COL22A1: variants seen among roughly 807,000 people sequenced by gnomAD.
The protein encoded by COL22A1 is collagen type XXII alpha 1 chain, also known as collagen alpha-1(XXII) chain.
COL22A1 carries 221 observed loss-of-function variants against 248.9 expected under a neutral mutation model. The ratio of observed to expected loss-of-function variants is 0.89; its 90% CI spans 0.80 to 0.99. The LOEUF is 0.99. Among genes scored for constraint, COL22A1 ranks in the 50% least tolerant of loss-of-function variants. The pLI is 0.00. For synonymous variants in COL22A1, 891 were observed against 793.4 expected (o/e 1.12, Z -2.07); for missense variants, 2,240 against 2,179.0 (o/e 1.03, Z -0.56).
intron 3 of COL22A1, among the ~76,000 whole-genome samples, chr8:138,862,790 G>A (rs1388728483): frequency 6.7e-6 from 1 of 149,772 alleles, no homozygotes; most frequent in Non-Finnish European, 1.5e-5. Context: ...GTTTTCAGGT[G>A]AAGAAACTTG....
chr8:138,660,549 C>T (rs1228009901), intron 43 of COL22A1, 69 bp from the exon 44 acceptor site: 2 of 1,336,890 alleles, frequency 1.5e-6, no homozygotes, highest in Non-Finnish European at 2.2e-6. Flanking sequence ...TACCCACACC[C>T]TCTGCCAATC....
intron 44 of COL22A1, among the ~76,000 whole-genome samples, chr8:138,657,105 G>C (rs545138990): frequency 1.3e-5 from 2 of 152,336 alleles, no homozygotes; most frequent in African/African-American, 2.4e-5. Context: ...AAGAGGGACT[G>C]AGAGAGACTG....
chr8:138,909,825 G>A (rs1815310055), intron 1 of COL22A1, among the ~76,000 whole-genome samples: 2 of 152,200 alleles, frequency 1.3e-5, no homozygotes, highest in Non-Finnish European at 2.9e-5. Flanking sequence ...GCTTGTGCCA[G>A]GATGTTAGCC....
intron 52 of COL22A1, among the ~76,000 whole-genome samples, chr8:138,621,717 T>C (rs1045151291): frequency 1.3e-5 from 2 of 152,158 alleles, no homozygotes; most frequent in Non-Finnish European, 2.9e-5. Flanking sequence ...GGAGAAATAA[T>C]GGTACCCACA....
chr8:138,781,107 G>T, intron 12 of COL22A1, 127 bp from the exon 13 acceptor site: 1 of 693,768 alleles, frequency 1.4e-6, no homozygotes, highest in Non-Finnish European at 2.5e-6. Flanking sequence ...CTCAAAAATT[G>T]ATCCACAAGC....
intron 1 of COL22A1, among the ~76,000 whole-genome samples, chr8:138,912,177 G>T (rs915147677): frequency 6.6e-6 from 1 of 152,158 alleles, no homozygotes; most frequent in Non-Finnish European, 1.5e-5. Flanking sequence ...TTGACCCAGG[G>T]CAGCCAAAGA....
chr8:138,600,418 G>C (rs944712181), intron 60 of COL22A1, among the ~76,000 whole-genome samples: 1 of 146,958 alleles, frequency 6.8e-6, no homozygotes, highest in Admixed American at 6.7e-5. Context: ...TCTAACATAC[G>C]CACTTAAATG....
rs542286959 is a variant in COL22A1, at chr8:138,651,309, G to A, written c.3334-1531C>T. On this transcript the variant is annotated intron_variant, in intron 45 of 64. Transcript: ENST00000303045. ...TCCACCAGGCAAACAGAAGGTGTAAGCACTCAGAGGACAGAGGTAGAATTA... is the reference window on the plus strand; with the variant it reads ...TCCACCAGGCAAACAGAAGGTGTAAACACTCAGAGGACAGAGGTAGAATTA... Among the ~76,000 whole-genome samples, 5 of 152,296 alleles carry A rather than the reference G, an allele frequency of 3.3e-5. No individual in the cohort carries two copies. The South Asian group carries it at 1.0e-3, about 32-fold the overall frequency.
intron 31 of COL22A1, among the ~76,000 whole-genome samples, chr8:138,701,053 G>C (rs1827925862): frequency 6.9e-6 from 1 of 144,700 alleles, no homozygotes; most frequent in African/African-American, 2.5e-5. Flanking sequence ...CAAAGCTTTT[G>C]CAAATACTGT....
intron 1 of COL22A1, among the ~76,000 whole-genome samples, chr8:138,902,457 G>A (rs1181312933): frequency 6.6e-6 from 1 of 152,138 alleles, no homozygotes; most frequent in Non-Finnish European, 1.5e-5. Flanking sequence ...CAGCACTTTG[G>A]AAGGCCGAGG....
rs569757088 is a variant in COL22A1, at chr8:138,766,370, G to A, written c.1804-3904C>T. On this transcript the variant is annotated intron_variant, in intron 16 of 64. Coordinates refer to ENST00000303045, the MANE Select transcript of COL22A1 (RefSeq NM_152888.3). The stretch of plus-strand genomic sequence containing the variant: ...ACATGGCTGCGGGCCTGATGGATGC[G>A]TGGTCATTAGCAGGGGCGAGAGGAA... 2.5e-4 allele frequency among the ~76,000 whole-genome samples: 38 copies of A among 152,168 alleles called. No individual in the cohort carries two copies. The South Asian group carries it at 2.7e-3, about 11-fold the overall frequency.
intron 1 of COL22A1, among the ~76,000 whole-genome samples, chr8:138,896,715 G>C (rs1376078760): frequency 1.3e-5 from 2 of 152,180 alleles, no homozygotes; most frequent in Non-Finnish European, 2.9e-5. Context: ...GCTTATGCTT[G>C]TAATCCCAAC....
intron 4 of COL22A1, among the ~76,000 whole-genome samples, chr8:138,835,944 C>T (rs1001931540): frequency 3.9e-5 from 6 of 152,198 alleles, no homozygotes; most frequent in African/African-American, 1.4e-4. Context: ...CCTCTCTGGA[C>T]CTCATGTCTT....
rs141938188 is a variant in COL22A1, at chr8:138,833,073, G to T, written c.811C>A (p.Arg271=). The T allele has an allele frequency of 3.7e-6, 6 of 1,613,288 alleles. No homozygotes were observed. The highest frequency in any genetic ancestry group is 3.3e-4 in the Middle Eastern group (2 of 6,060). Residue 271 remains arginine, a synonymous_variant, in exon 5 of 65, where the codon CGG becomes AGG. Coordinates refer to ENST00000303045, the MANE Select transcript of COL22A1 (RefSeq NM_152888.3). ...TGCACCACAGGGAAGGATCCCATCC[G>T]TACATAGGAACTCTGAGCTCCATTC... ...RENGAQSSYV[R]MGSFPVVQST... is the part of the protein sequence containing the mutation.
At chr8:138,593,152 G>A (rs1169829366) in intron 63 of COL22A1, among the ~76,000 whole-genome samples, 1 of 152,138 alleles carries the variant, frequency 6.6e-6, no homozygotes, top group Non-Finnish European at 1.5e-5. Context: ...TCACTCATAA[G>A]TGGGAGCTGA....
At chr8:138,837,506 G>A (rs1051205945) in intron 4 of COL22A1, among the ~76,000 whole-genome samples, 2 of 152,220 alleles carry the variant, frequency 1.3e-5, no homozygotes, top group East Asian at 1.9e-4. Flanking sequence ...TCTCAGCATC[G>A]CCTGGGGACA....
intron 23 of COL22A1, among the ~76,000 whole-genome samples, chr8:138,727,661 A>G (rs577479385): frequency 6.4e-4 from 98 of 152,256 alleles, no homozygotes; most frequent in Middle Eastern, 3.4e-3. Context: ...GGCATAGACC[A>G]GGACCATTTA....
intron 22 of COL22A1, among the ~76,000 whole-genome samples, chr8:138,747,506 C>T (rs1184118101): frequency 6.6e-6 from 1 of 152,148 alleles, no homozygotes; most frequent in African/African-American, 2.4e-5. Context: ...CTCTGGGCTC[C>T]ACCACTCCAC....
At chr8:138,843,832 C>T (rs1310265988) in intron 4 of COL22A1, among the ~76,000 whole-genome samples, 1 of 152,206 alleles carries the variant, frequency 6.6e-6, no homozygotes, top group Non-Finnish European at 1.5e-5. Context: ...CATTCTCATG[C>T]ATTATTGAGT....
Sources: gnomAD v4.1 joint callset for allele counts (sites outside exome capture counted in the v4.1 genomes callset) on GRCh38, gnomAD v4.1.1 for gene constraint, MANE v1.5 for transcripts, NCBI Gene and HGNC (gene_info 2026-07-23, HGNC 2026-07-21) for gene names.